The following GALNT14 variants were observed in gnomAD, a reference collection of about 807,000 sequenced individuals.
The protein encoded by GALNT14 is polypeptide N-acetylgalactosaminyltransferase 14.
A neutral mutation model predicts 77.5 loss-of-function variants in GALNT14; 60 were observed. The observed-to-expected ratio is 0.77, with a 90% CI of 0.63 to 0.96. GALNT14 has a LOEUF of 0.96. Among genes scored for constraint, GALNT14 ranks in the 40% least tolerant of loss-of-function variants. The pLI, the probability that GALNT14 is intolerant of heterozygous loss-of-function variation, is 0.00. For synonymous variants in GALNT14, 280 were observed against 281.7 expected, an observed-to-expected ratio of 0.99 and a Z score of 0.06; for missense variants, 710 against 731.0, an observed-to-expected ratio of 0.97 and a Z score of 0.33.
intron 10 of GALNT14, among the ~76,000 whole-genome samples, chr2:30,931,356 C>G (rs1410420437): frequency 6.6e-6 from 1 of 151,708 alleles, no homozygotes; most frequent in Non-Finnish European, 1.5e-5. Flanking sequence ...GAGAGAGAAT[C>G]AAGAGGAAAA....
At chr2:31,073,369 A>G (rs554786215) in intron 1 of GALNT14, among the ~76,000 whole-genome samples, 2 of 152,354 alleles carry the variant, frequency 1.3e-5, no homozygotes, top group Non-Finnish European at 2.9e-5. Context: ...GGGAAATAGA[A>G]TAGTCAAAAA....
Position 30,992,920 on chromosome 2 carries a change from G to T in GALNT14, c.217C>A (p.Pro73Thr). ...TGGTTGAAAGCATACAGCTTATAGG[G>T]GTCGTCACCAACGCGCCACTTTTTG... ...NAKKWRVGDD[P>T]YKLYAFNQRE... The change falls in exon 2 of 15, where the codon CCC becomes ACC. Residue 73 changes from proline to threonine, a missense_variant. Physicochemically the swap from Pro to Thr is conservative, Grantham distance 38. Coordinates refer to ENST00000349752, the MANE Select transcript of GALNT14 (RefSeq NM_024572.4). 1 of 1,614,146 alleles carries T rather than the reference G, an allele frequency of 6.2e-7. No individual in the cohort carries two copies. Among genetic ancestry groups the T allele is most frequent in the Admixed American group, 1.7e-5 (1 of 60,014 alleles).
chr2:31,089,824 T>C lies in GALNT14; in HGVS notation c.129+48134A>G, dbSNP rs575757390. Among the ~76,000 whole-genome samples, 6 of 152,262 alleles carry C rather than the reference T, an allele frequency of 3.9e-5. No homozygotes were observed. In the South Asian group the frequency reaches 1.2e-3, roughly 32 times the overall value. On this transcript the variant is annotated intron_variant, in intron 1 of 14. Transcript: ENST00000349752. ...TGGCGTGCTAGTTCCAAAGCTACCA[T>C]GCAGACCTTGTTTATACCTGAAAGA... is the stretch of plus-strand genomic sequence containing the variant.
intron 13 of GALNT14, among the ~76,000 whole-genome samples, chr2:30,923,200 T>A (rs1665145396): frequency 6.6e-6 from 1 of 151,510 alleles, no homozygotes; most frequent in Admixed American, 6.6e-5. Flanking sequence ...GTAGCTGGGA[T>A]TACAGGCGCA....
At chr2:31,023,544 G>C (rs1003290924) in intron 1 of GALNT14, among the ~76,000 whole-genome samples, 1 of 152,036 alleles carries the variant, frequency 6.6e-6, no homozygotes, top group Non-Finnish European at 1.5e-5. Context: ...AGGGAATTCT[G>C]TTTGCACTTT....
At chr2:31,059,609 G>A (rs1348225058) in intron 1 of GALNT14, among the ~76,000 whole-genome samples, 2 of 152,312 alleles carry the variant, frequency 1.3e-5, no homozygotes, top group African/African-American at 2.4e-5. Flanking sequence ...GAGAGGCTGA[G>A]CAGGAGGATT....
chr2:31,103,943 G>A (rs990944561), intron 1 of GALNT14, among the ~76,000 whole-genome samples: 3 of 152,216 alleles, frequency 2.0e-5, no homozygotes, highest in Non-Finnish European at 4.4e-5. Context: ...TATTCCCTGA[G>A]TTATTGCATG....
Position 30,992,842 on chromosome 2 carries a change from G to A in GALNT14, c.295C>T (p.Leu99=). 2.5e-6 allele frequency: 4 copies of A among 1,613,204 alleles called. No individual in the cohort carries two copies. Among genetic ancestry groups the A allele is most frequent in the Non-Finnish European group, 3.4e-6 (4 of 1,179,170 alleles). The change falls in exon 2 of 15, where the codon CTG becomes TTG. Residue 99 remains leucine, a synonymous_variant. Transcript: ENST00000349752. The part of the protein sequence containing the change: ...SNRAIPDTRH[L]RCTLLVYCTD... ...AGTGGGAGAAGGAGGAAGTACCTCA[G>A]ATGGCGAGTGTCCGGGATGGCCCGA... is the stretch of plus-strand genomic sequence containing the variant.
intron 1 of GALNT14, among the ~76,000 whole-genome samples, chr2:31,035,327 C>A (rs1170135046): frequency 6.6e-6 from 1 of 151,872 alleles, no homozygotes; most frequent in Non-Finnish European, 1.5e-5. Context: ...GATAGATTGA[C>A]CCTTTTATAA....
At chr2:31,109,548 T>A (rs1392091689) in intron 1 of GALNT14, among the ~76,000 whole-genome samples, 2 of 152,146 alleles carry the variant, frequency 1.3e-5, no homozygotes, top group Non-Finnish European at 2.9e-5. Flanking sequence ...TCGAATTATG[T>A]CTAATTAGGA....
At position 31,021,429 on chromosome 2, in the gene GALNT14, C is replaced by T. The variant is rs560812937; in HGVS notation, c.130-28422G>A. The stretch of plus-strand genomic sequence containing the variant: ...AAGCAATTCTCCTGCCTCAGCCTCC[C>T]GAGTAGCTGGGATTACAGGCGCCCA... On this transcript the variant is annotated intron_variant, in intron 1 of 14. Transcript: ENST00000349752. Among the ~76,000 whole-genome samples, 5 of 151,966 alleles carry T rather than the reference C, an allele frequency of 3.3e-5. No individual in the cohort carries two copies. The South Asian group carries it at 6.3e-4, about 19-fold the overall frequency.
At position 31,138,133 on chromosome 2, in the gene GALNT14, C is replaced by A. The variant is rs776964269; in HGVS notation, c.-47G>T. On this transcript the variant is annotated 5_prime_UTR_variant, in exon 1 of 15. Transcript: ENST00000349752. ...TCCGCGGCGCTACGTCCCGGGGGCACCCCCCGGCGGTCAGGGTTGGCGGGG... is the reference window on the plus strand; with the variant it reads ...TCCGCGGCGCTACGTCCCGGGGGCAACCCCCGGCGGTCAGGGTTGGCGGGG... 2.5e-6 allele frequency: 4 copies of A among 1,606,130 alleles called. No individual in the cohort carries two copies. Among genetic ancestry groups the A allele is most frequent in the Admixed American group, 3.3e-5 (2 of 59,726 alleles).
intron 1 of GALNT14, among the ~76,000 whole-genome samples, chr2:31,089,518 G>A (rs963535995): frequency 3.9e-5 from 6 of 152,056 alleles, no homozygotes; most frequent in African/African-American, 1.4e-4. Context: ...AGACGGACAC[G>A]TTTTCTGGTT....
intron 1 of GALNT14, among the ~76,000 whole-genome samples, chr2:31,054,264 T>C (rs971413872): frequency 4.6e-5 from 7 of 152,176 alleles, no homozygotes; most frequent in Non-Finnish European, 8.8e-5. Flanking sequence ...CACTTACATA[T>C]GTGTGAGCTT....
intron 2 of GALNT14, among the ~76,000 whole-genome samples, chr2:30,974,476 T>C (rs1433758625): frequency 6.6e-6 from 1 of 152,262 alleles, no homozygotes; most frequent in African/African-American, 2.4e-5. Flanking sequence ...CTTAGTGGCC[T>C]GGCACCACTT....
chr2:31,039,639 A>C (rs937093247), intron 1 of GALNT14, among the ~76,000 whole-genome samples: 1 of 152,192 alleles, frequency 6.6e-6, no homozygotes, highest in Non-Finnish European at 1.5e-5. Flanking sequence ...CTATTTGCCT[A>C]GTCCTGTCAT....
chr2:31,026,312 G>C lies in GALNT14; in HGVS notation c.130-33305C>G, dbSNP rs548795506. Among the ~76,000 whole-genome samples the C allele has an allele frequency of 4.6e-5, 7 of 152,190 alleles. No individual in the cohort carries two copies. In the East Asian group the frequency reaches 1.3e-3, roughly 29 times the overall value. ...AAGCTTTACTCTTCCCACAATTATG[G>C]CTGTTGTTATTATCCTTCTTAGTCT... On this transcript the variant is annotated intron_variant, in intron 1 of 14. Coordinates refer to ENST00000349752, the MANE Select transcript of GALNT14 (RefSeq NM_024572.4).
chr2:31,002,948 C>A (rs184749666), intron 1 of GALNT14, among the ~76,000 whole-genome samples: 1 of 152,312 alleles, frequency 6.6e-6, no homozygotes, highest in East Asian at 1.9e-4. Flanking sequence ...AATATTTCCT[C>A]CATGTATTAT....
intron 13 of GALNT14, among the ~76,000 whole-genome samples, chr2:30,921,729 G>A (rs780693299): frequency 6.6e-6 from 1 of 152,188 alleles, no homozygotes; most frequent in Non-Finnish European, 1.5e-5. Flanking sequence ...GGCTTTTGCT[G>A]TAATCTAACC....
Sources: allele counts gnomAD v4.1 joint callset (sites outside exome capture counted in the v4.1 genomes callset), GRCh38; gene constraint gnomAD v4.1.1; transcripts MANE v1.5; gene names NCBI Gene and HGNC (gene_info 2026-07-23, HGNC 2026-07-21).